Variants in GML observed in about 807,000 individuals in gnomAD.
GML encodes the protein glycosylphosphatidylinositol anchored molecule like.
Under a neutral mutation model 8.2 loss-of-function variants are expected in GML, and 5 were observed. The ratio of observed to expected loss-of-function variants is 0.61; its 90% CI spans 0.32 to 1.28. The LOEUF is 1.28. Among genes scored for constraint, GML ranks in the 50% most tolerant of loss-of-function variants. The pLI is 0.06. For synonymous variants in GML, 72 were observed against 69.0 expected (o/e 1.04, Z -0.22); for missense variants, 191 against 198.3 (o/e 0.96, Z 0.22).
At chr8:142,839,931 C>A (rs1816401454) in intron 1 of GML, among the ~76,000 whole-genome samples, 1 of 152,200 alleles carries the variant, frequency 6.6e-6, no homozygotes, top group Non-Finnish European at 1.5e-5. Context: ...TCAAGTTGGG[C>A]TTCTGGCATG....
At chr8:142,839,522 C>T (rs1816394381) in intron 1 of GML, among the ~76,000 whole-genome samples, 1 of 152,146 alleles carries the variant, frequency 6.6e-6, no homozygotes, top group Non-Finnish European at 1.5e-5. Flanking sequence ...AGGCTCTGAC[C>T]CCCTCCAGGT....
intron 3 of GML, among the ~76,000 whole-genome samples, chr8:142,845,186 T>C (rs1286882928): frequency 6.6e-6 from 1 of 152,264 alleles, no homozygotes; most frequent in Non-Finnish European, 1.5e-5. Context: ...AGATGTAATG[T>C]ATAATTTCAT....
In GML at chr8:142,841,133, GATGCCAT is replaced by G. The variant is rs1364691071; in HGVS notation, c.90_96del (p.Cys31ThrfsTer5). On this transcript the variant is annotated frameshift_variant, in exon 3 of 4. Coordinates refer to ENST00000220940, the MANE Select transcript of GML (RefSeq NM_002066.3). LOFTEE classifies it high-confidence loss of function. ...CCCCTCTCAGGGACTTACAGTTTGA[GATGCCAT>G]GACTGTGCGGTCATAAATGACTTCA... is the stretch of plus-strand genomic sequence containing the variant. 3.9e-6 allele frequency: 6 copies of G among 1,551,044 alleles called. No homozygotes were observed. In the South Asian group the frequency reaches 6.7e-5, roughly 17 times the overall value.
chr8:142,845,321 T>C (rs749340356), intron 3 of GML, among the ~76,000 whole-genome samples: 10 of 152,226 alleles, frequency 6.6e-5, no homozygotes, highest in Non-Finnish European at 1.3e-4. Context: ...ATCCTGGGGC[T>C]CTCTTGCAGC....
chr8:142,840,259 G>T (rs940718227), intron 1 of GML, among the ~76,000 whole-genome samples, 157 bp from the exon 2 acceptor site: 2 of 152,174 alleles, frequency 1.3e-5, no homozygotes. Context: ...AGACCTGCCC[G>T]ACCCCAGTGC....
chr8:142,838,879 C>A (rs1816382302), intron 1 of GML, among the ~76,000 whole-genome samples: 1 of 152,192 alleles, frequency 6.6e-6, no homozygotes, highest in Non-Finnish European at 1.5e-5. Context: ...TTCCAGTTTG[C>A]TGTCTTCTAG....
chr8:142,837,299 C>CAA (rs61251350), intron 1 of GML, among the ~76,000 whole-genome samples: 3 of 148,432 alleles, frequency 2.0e-5, no homozygotes, highest in Non-Finnish European at 3.0e-5. Context: ...GACTCTGTTT[C>CAA]AAAAAAAGAA....
Position 142,841,139 on chromosome 8 carries a change from A to G in GML, c.95A>G (p.His32Arg). The change falls in exon 3 of 4, where the codon CAT becomes CGT. Residue 32 changes from histidine to arginine, a missense_variant. Transcript: ENST00000220940. ...RAQWTYSLRCHDCAVINDFNC... is the reference protein window; with the variant it reads ...RAQWTYSLRCRDCAVINDFNC... Reference sequence around the variant, plus strand: ...TCAGGGACTTACAGTTTGAGATGCCATGACTGTGCGGTCATAAATGACTTC... The same window carrying G: ...TCAGGGACTTACAGTTTGAGATGCCGTGACTGTGCGGTCATAAATGACTTC... 2 of 1,566,130 alleles carry G rather than the reference A, an allele frequency of 1.3e-6. No individual in the cohort carries two copies. The highest frequency in any genetic ancestry group is 1.1e-5 in the South Asian group (1 of 90,112).
At chr8:142,843,022 C>G (rs1268863274) in intron 3 of GML, among the ~76,000 whole-genome samples, 1 of 152,086 alleles carries the variant, frequency 6.6e-6, no homozygotes, top group Admixed American at 6.5e-5. Flanking sequence ...TGAATGAACC[C>G]TGATGGATAT....
At chr8:142,846,094 A>G (rs967706678) in intron 3 of GML, among the ~76,000 whole-genome samples, 1 of 152,334 alleles carries the variant, frequency 6.6e-6, no homozygotes, top group Non-Finnish European at 1.5e-5. Context: ...TGAACAGGAC[A>G]TTTCATTGCG....
chr8:142,843,578 T>A (rs1464698824), intron 3 of GML, among the ~76,000 whole-genome samples: 1 of 152,226 alleles, frequency 6.6e-6, no homozygotes, highest in Admixed American at 6.5e-5. Context: ...TTTAAACTGC[T>A]TACTATTCAT....
At chr8:142,837,246 A>G (rs1816354960) in intron 1 of GML, among the ~76,000 whole-genome samples, 1 of 151,958 alleles carries the variant, frequency 6.6e-6, no homozygotes, top group Admixed American at 6.6e-5. Flanking sequence ...GTGAGCCGAG[A>G]TCACGCCATT....
intron 2 of GML, 75 bp downstream of exon 2, chr8:142,840,585 T>G: frequency 1.9e-6 from 2 of 1,070,390 alleles, no homozygotes; most frequent in Non-Finnish European, 2.9e-6. Flanking sequence ...CTGGGATGAT[T>G]GGCTGCAACG....
intron 1 of GML, among the ~76,000 whole-genome samples, chr8:142,839,665 G>A (rs1470100167): frequency 6.6e-6 from 1 of 152,224 alleles, no homozygotes; most frequent in African/African-American, 2.4e-5. Context: ...TGCTGAAGGG[G>A]GGTAGGGGAT....
At position 142,846,720 on chromosome 8, in the gene GML, T is replaced by C. The variant is rs1816508461; in HGVS notation, c.*30T>C. On this transcript the variant is annotated 3_prime_UTR_variant, in exon 4 of 4. Transcript: ENST00000220940. ...CCCACCTTGGAGGGTCTGACCATCTTCACCTGTTCCGCAGAGAAATGTTGC... is the reference window on the plus strand; with the variant it reads ...CCCACCTTGGAGGGTCTGACCATCTCCACCTGTTCCGCAGAGAAATGTTGC... 9 of 1,521,306 alleles carry C rather than the reference T, an allele frequency of 5.9e-6. No homozygotes were observed. The highest frequency in any genetic ancestry group is 7.3e-6 in the Non-Finnish European group (8 of 1,101,606). 94.2% of individuals were successfully genotyped at this position (1,521,306 alleles called of 1,614,324 possible).
chr8:142,836,323 A>G (rs893417627), intron 1 of GML, among the ~76,000 whole-genome samples: 9 of 152,168 alleles, frequency 5.9e-5, no homozygotes, highest in African/African-American at 2.2e-4. Flanking sequence ...GAGTTGGAGA[A>G]CTGGTTTGTG....
chr8:142,836,818 C>G (rs1242295540), intron 1 of GML, among the ~76,000 whole-genome samples: 1 of 151,864 alleles, frequency 6.6e-6, no homozygotes, highest in Non-Finnish European at 1.5e-5. Flanking sequence ...TGTCTCTAAC[C>G]CTAACTGAAG....
At chr8:142,839,418 A>G (rs1816392013) in intron 1 of GML, among the ~76,000 whole-genome samples, 1 of 152,158 alleles carries the variant, frequency 6.6e-6, no homozygotes, top group Non-Finnish European at 1.5e-5. Flanking sequence ...CTGGATCCTG[A>G]TCATCCCTAT....
chr8:142,839,563 A>G (rs1816394947), intron 1 of GML, among the ~76,000 whole-genome samples: 1 of 152,202 alleles, frequency 6.6e-6, no homozygotes. Context: ...GTCAGCACGC[A>G]TCAGCAGCTG....
Sources: allele counts gnomAD v4.1 joint callset (sites outside exome capture counted in the v4.1 genomes callset), GRCh38; gene constraint gnomAD v4.1.1; transcripts MANE v1.5; gene names NCBI Gene and HGNC (gene_info 2026-07-23, HGNC 2026-07-21).